Variants in NCAM2 observed in about 807,000 individuals in gnomAD.
NCAM2 encodes the protein neural cell adhesion molecule 2.
Under a neutral mutation model 98.1 loss-of-function variants are expected in NCAM2, and 30 were observed. That is an observed-to-expected ratio of 0.31 (90% confidence interval 0.23 to 0.41). The LOEUF (loss-of-function observed/expected upper bound fraction) is 0.41, where lower values mean the gene tolerates loss of function less well. Among genes scored for constraint, NCAM2 ranks in the 10% least tolerant of loss-of-function variants. The pLI is 1.00. For missense variants in NCAM2, 867 were observed against 1,005.8 expected (o/e 0.86, Z 1.87); for synonymous variants, 368 against 342.4 (o/e 1.07, Z -0.83).
chr21:21,275,167 G>A (rs930207339), intron 1 of NCAM2, among the ~76,000 whole-genome samples: 1 of 152,014 alleles, frequency 6.6e-6, no homozygotes, highest in Non-Finnish European at 1.5e-5. Context: ...TGGACCGGGC[G>A]CGGTGGCTCA....
At chr21:21,398,071 A>G (rs1313911497) in intron 9 of NCAM2, among the ~76,000 whole-genome samples, 2 of 152,212 alleles carry the variant, frequency 1.3e-5, no homozygotes, top group East Asian at 3.8e-4. Context: ...GTGCGTGAAT[A>G]CTATTCAGCC....
intron 10 of NCAM2, among the ~76,000 whole-genome samples, chr21:21,412,873 C>T (rs1274557232): frequency 1.3e-5 from 2 of 152,006 alleles, no homozygotes; most frequent in Non-Finnish European, 2.9e-5. Context: ...TATACAGTTG[C>T]TTGAGACAGT....
rs1023053182 is a variant in NCAM2 at position 21,523,848 on chromosome 21, C to A, written c.2283-10689C>A. 2.0e-5 allele frequency among the ~76,000 whole-genome samples: 3 copies of A among 151,488 alleles called. No individual in the cohort carries two copies. In the East Asian group the frequency reaches 5.8e-4, roughly 29 times the overall value. ...AATGCTCAATTGAAATCGCCAAAGA[C>A]AGAAAAATAGTGAAAGACAAAAACT... On this transcript the variant is annotated intron_variant, in intron 16 of 17. Coordinates refer to ENST00000400546, the MANE Select transcript of NCAM2 (RefSeq NM_004540.5).
At chr21:21,038,395 G>C (rs187769336) in intron 1 of NCAM2, among the ~76,000 whole-genome samples, 7 of 152,280 alleles carry the variant, frequency 4.6e-5, no homozygotes, top group African/African-American at 1.4e-4. Context: ...TGGTTTGGCT[G>C]TGTCCCCACA....
intron 12 of NCAM2, among the ~76,000 whole-genome samples, chr21:21,452,931 A>G (rs1203520251): frequency 1.0e-5 from 1 of 97,534 alleles, no homozygotes; most frequent in African/African-American, 4.3e-5. Flanking sequence ...ATTATATAAT[A>G]TATATAATAT....
chr21:21,415,835 T>A (rs936536893), intron 10 of NCAM2, among the ~76,000 whole-genome samples: 7 of 152,234 alleles, frequency 4.6e-5, no homozygotes, highest in African/African-American at 7.2e-5. Context: ...TTGCTCTGGC[T>A]TGGGCTTTGG....
At chr21:21,186,206 G>T (rs992989650) in intron 1 of NCAM2, among the ~76,000 whole-genome samples, 10 of 152,188 alleles carry the variant, frequency 6.6e-5, no homozygotes, top group African/African-American at 2.4e-4. Flanking sequence ...GTTTTCAAAG[G>T]TCACAAGGGT....
intron 1 of NCAM2, among the ~76,000 whole-genome samples, chr21:21,150,878 A>T (rs1007677721): frequency 6.6e-6 from 1 of 151,890 alleles, no homozygotes; most frequent in African/African-American, 2.4e-5. Context: ...ATTTTATGAA[A>T]AAGTTTATAG....
At chr21:21,343,716 G>A (rs1321799914) in intron 8 of NCAM2, among the ~76,000 whole-genome samples, 1 of 152,186 alleles carries the variant, frequency 6.6e-6, no homozygotes, top group Non-Finnish European at 1.5e-5. Flanking sequence ...ACCGATTCCA[G>A]CGGTACAAAC....
chr21:21,527,366 T>G (rs1989384105), intron 16 of NCAM2, among the ~76,000 whole-genome samples: 1 of 152,048 alleles, frequency 6.6e-6, no homozygotes, highest in East Asian at 1.9e-4. Context: ...TGGACTAGTA[T>G]AAAATTAAAA....
At chr21:21,487,424 A>C (rs2146297847) in intron 15 of NCAM2, among the ~76,000 whole-genome samples, 1 of 152,254 alleles carries the variant, frequency 6.6e-6, no homozygotes, top group Non-Finnish European at 1.5e-5. Context: ...TTTACATAAA[A>C]TTCTGTCTCT....
chr21:21,422,661 CAT>C (rs75289044), intron 11 of NCAM2, among the ~76,000 whole-genome samples: 2,697 of 152,200 alleles, frequency 0.018, 75 homozygotes, highest in East Asian at 0.14. Context: ...AAATATTTCA[CAT>C]ATGTGCTTGA....
At chr21:21,528,565 C>T (rs1029149234) in intron 16 of NCAM2, among the ~76,000 whole-genome samples, 1 of 152,086 alleles carries the variant, frequency 6.6e-6, no homozygotes, top group Admixed American at 6.5e-5. Flanking sequence ...TTTATAATTG[C>T]TGGGCATCAT....
At chr21:21,175,072 G>A (rs1233330528) in intron 1 of NCAM2, among the ~76,000 whole-genome samples, 1 of 152,054 alleles carries the variant, frequency 6.6e-6, no homozygotes, top group Non-Finnish European at 1.5e-5. Context: ...AAAGAAAAAG[G>A]ATGGCTTGAA....
chr21:21,099,675 G>A (rs1049597147), intron 1 of NCAM2, among the ~76,000 whole-genome samples: 5 of 151,858 alleles, frequency 3.3e-5, no homozygotes, highest in Admixed American at 1.3e-4. Context: ...GGGTGGGGAC[G>A]CAGCCAAACC....
At chr21:21,049,708 C>A (rs1422959920) in intron 1 of NCAM2, among the ~76,000 whole-genome samples, 1 of 151,928 alleles carries the variant, frequency 6.6e-6, no homozygotes, top group Non-Finnish European at 1.5e-5. Context: ...CCTGTCTCTA[C>A]TAAAAATACA....
At chr21:21,524,842 C>A (rs1989238681) in intron 16 of NCAM2, among the ~76,000 whole-genome samples, 1 of 151,802 alleles carries the variant, frequency 6.6e-6, no homozygotes, top group African/African-American at 2.4e-5. Context: ...AATTATACTA[C>A]AAATAAATAA....
chr21:21,171,458 A>G lies in NCAM2; in HGVS notation c.56-109120A>G, dbSNP rs545635378. On this transcript the variant is annotated intron_variant, in intron 1 of 17. Transcript: ENST00000400546. ...ATTGAGAAAACTGTGAGGTACTCAGAGGTAAATAAATTGCTCTAAGTCACA... is the reference window on the plus strand; with the variant it reads ...ATTGAGAAAACTGTGAGGTACTCAGGGGTAAATAAATTGCTCTAAGTCACA... Among the ~76,000 whole-genome samples the G allele has an allele frequency of 9.2e-5, 14 of 152,314 alleles. No individual in the cohort carries two copies. In the South Asian group the frequency reaches 2.9e-3, roughly 32 times the overall value.
intron 11 of NCAM2, among the ~76,000 whole-genome samples, chr21:21,430,721 C>A (rs1246840418): frequency 6.6e-6 from 1 of 151,896 alleles, no homozygotes; most frequent in African/African-American, 2.4e-5. Flanking sequence ...CCACTTGGTT[C>A]CACCCTTGAC....
Sources: allele counts gnomAD v4.1 joint callset (sites outside exome capture counted in the v4.1 genomes callset), GRCh38; gene constraint gnomAD v4.1.1; transcripts MANE v1.5; gene names NCBI Gene and HGNC (gene_info 2026-07-23, HGNC 2026-07-21).